Variants in SUSD6 observed in about 807,000 individuals in gnomAD.
The protein encoded by SUSD6 is sushi domain containing 6.
In SUSD6, 16 loss-of-function variants were observed where a neutral mutation model predicts 28.4. The ratio of observed to expected loss-of-function variants is 0.56; its 90% CI spans 0.38 to 0.86. The LOEUF is 0.86. Ranked by LOEUF, SUSD6 falls within the 40% of genes least tolerant of loss-of-function variation. The probability of loss-of-function intolerance (pLI) is 0.00; values close to 1 mark genes in which losing one functional copy is unlikely to be tolerated. For missense variants in SUSD6, 341 were observed against 384.2 expected (o/e 0.89, Z 0.94); for synonymous variants, 147 against 159.6 (o/e 0.92, Z 0.59).
intron 1 of SUSD6, among the ~76,000 whole-genome samples, chr14:69,616,486 T>A (rs1274521604): frequency 6.6e-6 from 1 of 152,250 alleles, no homozygotes; most frequent in Non-Finnish European, 1.5e-5. Flanking sequence ...AGAGCCTGTT[T>A]ATCCAATTCT....
chr14:69,678,999 C>G (rs1009593234), intron 2 of SUSD6, among the ~76,000 whole-genome samples: 1 of 152,172 alleles, frequency 6.6e-6, no homozygotes, highest in Non-Finnish European at 1.5e-5. Context: ...GTTTACACTA[C>G]TACTGATGTA....
At chr14:69,665,415 G>GT (rs1885725268) in intron 2 of SUSD6, among the ~76,000 whole-genome samples, 1 of 152,050 alleles carries the variant, frequency 6.6e-6, no homozygotes, top group African/African-American at 2.4e-5. Context: ...CACCTGGCTA[G>GT]TTTTTTAAAA....
intron 2 of SUSD6, chr14:69,670,412 C>G: frequency 2.2e-6 from 1 of 456,336 alleles, no homozygotes; most frequent in Non-Finnish European, 4.4e-6. Flanking sequence ...AAGTACTGCA[C>G]TACACAGGAA....
intron 2 of SUSD6, among the ~76,000 whole-genome samples, chr14:69,664,861 A>G (rs936182924): frequency 3.3e-5 from 5 of 152,172 alleles, no homozygotes; most frequent in African/African-American, 1.2e-4. Flanking sequence ...AATAAAACAA[A>G]AATTAGGGTT....
intron 1 of SUSD6, among the ~76,000 whole-genome samples, chr14:69,637,346 C>T (rs1461329336): frequency 1.3e-5 from 2 of 152,144 alleles, no homozygotes; most frequent in Non-Finnish European, 1.5e-5. Context: ...CTTACCTGAG[C>T]TTCTTGAGGG....
At chr14:69,691,162 C>T (rs959297344) in intron 2 of SUSD6, among the ~76,000 whole-genome samples, 2 of 152,046 alleles carry the variant, frequency 1.3e-5, no homozygotes, top group African/African-American at 2.4e-5. Context: ...GGCAACATGG[C>T]GAAACCCTGT....
intron 1 of SUSD6, among the ~76,000 whole-genome samples, chr14:69,614,831 C>T (rs1158750988): frequency 1.3e-5 from 2 of 152,194 alleles, no homozygotes; most frequent in African/African-American, 2.4e-5. Context: ...GTTGTCTTTC[C>T]CCTCTAGTTC....
Position 69,658,231 on chromosome 14 carries a change from C to T in SUSD6, c.-80-282C>T, listed in dbSNP as rs964356219. 4.6e-5 allele frequency among the ~76,000 whole-genome samples: 7 copies of T among 152,288 alleles called. No homozygotes were observed. In the East Asian group the frequency reaches 1.2e-3, roughly 25 times the overall value. On this transcript the variant is annotated intron_variant, in intron 1 of 5. Transcript: ENST00000342745. ...CTCTCTGCTGGAGCCTCCAGGCAGGCGGTGGGGCAGAGCTGGGCAGTTTCT... is the reference window on the plus strand; with the variant it reads ...CTCTCTGCTGGAGCCTCCAGGCAGGTGGTGGGGCAGAGCTGGGCAGTTTCT...
chr14:69,645,626 T>C (rs1006833348), intron 1 of SUSD6, among the ~76,000 whole-genome samples: 1 of 152,136 alleles, frequency 6.6e-6, no homozygotes, highest in Non-Finnish European at 1.5e-5. Context: ...ACTCAAATCA[T>C]TGGGTTAATT....
At chr14:69,681,097 T>G (rs1414939988) in intron 2 of SUSD6, among the ~76,000 whole-genome samples, 2 of 152,228 alleles carry the variant, frequency 1.3e-5, no homozygotes, top group African/African-American at 4.8e-5. Flanking sequence ...CCTTATAAAT[T>G]GTCTTCCTAC....
intron 1 of SUSD6, among the ~76,000 whole-genome samples, chr14:69,614,860 A>G (rs934499770): frequency 6.6e-6 from 1 of 152,204 alleles, no homozygotes; most frequent in Non-Finnish European, 1.5e-5. Context: ...TTAAGAGACA[A>G]TTCACACTTG....
intron 2 of SUSD6, among the ~76,000 whole-genome samples, chr14:69,660,843 T>C (rs1263531537): frequency 1.3e-5 from 2 of 152,270 alleles, no homozygotes; most frequent in Non-Finnish European, 2.9e-5. Flanking sequence ...TGTCTATGGC[T>C]GCTTTTGTGC....
intron 1 of SUSD6, among the ~76,000 whole-genome samples, chr14:69,627,033 A>G (rs1001492064): frequency 1.3e-5 from 2 of 152,112 alleles, no homozygotes; most frequent in African/African-American, 4.8e-5. Flanking sequence ...TAGCTTGGCA[A>G]CAGGTGGATC....
chr14:69,657,993 G>A (rs1240154243), intron 1 of SUSD6, among the ~76,000 whole-genome samples: 1 of 152,246 alleles, frequency 6.6e-6, no homozygotes, highest in Admixed American at 6.5e-5. Context: ...CGGCTGTCGA[G>A]TCAGGTCCTC....
chr14:69,662,459 C>T (rs1566598076), intron 2 of SUSD6, among the ~76,000 whole-genome samples: 1 of 152,184 alleles, frequency 6.6e-6, no homozygotes, highest in African/African-American at 2.4e-5. Context: ...TTTCTCTCAT[C>T]TACAGCTCGA....
chr14:69,644,399 C>A (rs1469944222), intron 1 of SUSD6, among the ~76,000 whole-genome samples: 10 of 152,108 alleles, frequency 6.6e-5, no homozygotes, highest in Admixed American at 6.6e-4. Context: ...CACCTGTAAT[C>A]CCAGCACTTT....
At chr14:69,689,695 GTC>G (rs1014043871) in intron 2 of SUSD6, among the ~76,000 whole-genome samples, 6 of 152,318 alleles carry the variant, frequency 3.9e-5, no homozygotes, top group African/African-American at 1.4e-4. Context: ...TTGAGATGGA[GTC>G]TCGCTCTCAC....
intron 1 of SUSD6, among the ~76,000 whole-genome samples, chr14:69,644,929 A>AAG (rs1383743429): frequency 6.6e-6 from 1 of 152,166 alleles, no homozygotes; most frequent in African/African-American, 2.4e-5. Context: ...AAGGTGAGGT[A>AAG]AGGGTATAGG....
At chr14:69,673,083 T>A (rs1885857736) in intron 2 of SUSD6, among the ~76,000 whole-genome samples, 1 of 152,168 alleles carries the variant, frequency 6.6e-6, no homozygotes. Context: ...TCCTCCTTCC[T>A]CCAGTGGCAG....
Sources: allele counts gnomAD v4.1 joint callset (sites outside exome capture counted in the v4.1 genomes callset), GRCh38; gene constraint gnomAD v4.1.1; transcripts MANE v1.5; gene names NCBI Gene and HGNC (gene_info 2026-07-23, HGNC 2026-07-21).